The following AFF3 variants were observed in gnomAD, a reference collection of about 807,000 sequenced individuals.
The protein encoded by AFF3 is ALF transcription elongation factor 3.
Under a neutral mutation model 129.7 loss-of-function variants are expected in AFF3, and 32 were observed. The ratio of observed to expected loss-of-function variants is 0.25; its 90% CI spans 0.19 to 0.33. The LOEUF is 0.33. AFF3 is among the 10% of genes least tolerant of loss of function. The probability of loss-of-function intolerance (pLI) is 1.00; values close to 1 mark genes in which losing one functional copy is unlikely to be tolerated. For missense variants in AFF3, 1,373 were observed against 1,592.0 expected (o/e 0.86, Z 2.34); for synonymous variants, 644 against 635.4 (o/e 1.01, Z -0.20).
intron 7 of AFF3, among the ~76,000 whole-genome samples, chr2:99,950,298 G>A (rs1188093107): frequency 2.6e-5 from 4 of 152,130 alleles, no homozygotes; most frequent in Non-Finnish European, 5.9e-5. Flanking sequence ...CTGTGTGGTT[G>A]GGATTCTGGT....
At chr2:99,670,600 T>A (rs1027391531) in intron 12 of AFF3, among the ~76,000 whole-genome samples, 2 of 152,052 alleles carry the variant, frequency 1.3e-5, no homozygotes, top group African/African-American at 4.8e-5. Context: ...CATAGTTTGG[T>A]CTTGAAGAGA....
intron 13 of AFF3, among the ~76,000 whole-genome samples, chr2:99,649,024 C>A (rs1204310274): frequency 6.6e-6 from 1 of 151,988 alleles, no homozygotes; most frequent in African/African-American, 2.4e-5. Flanking sequence ...ACTTTACATA[C>A]CCACATTCAA....
intron 7 of AFF3, among the ~76,000 whole-genome samples, chr2:99,970,080 G>A (rs1301022035): frequency 6.6e-6 from 1 of 152,132 alleles, no homozygotes; most frequent in Non-Finnish European, 1.5e-5. Flanking sequence ...TCTGTGAGAG[G>A]TAAAGACATT....
At chr2:99,648,119 T>C (rs1684856516) in intron 13 of AFF3, among the ~76,000 whole-genome samples, 1 of 152,202 alleles carries the variant, frequency 6.6e-6, no homozygotes, top group Non-Finnish European at 1.5e-5. Flanking sequence ...GACCTTTTTT[T>C]TCCTGTATTT....
intron 2 of AFF3, among the ~76,000 whole-genome samples, chr2:100,112,821 C>T (rs58051463): frequency 0.23 from 34,638 of 151,986 alleles, 4,731 homozygotes; most frequent in African/African-American, 0.38. Flanking sequence ...TGCCCTGCTC[C>T]ACCACTATCT....
rs1251043997 is a variant in AFF3 at position 99,986,157 on chromosome 2, T to C, written c.873+20475A>G. Among the ~76,000 whole-genome samples the C allele has an allele frequency of 2.0e-5, 3 of 150,572 alleles. No homozygotes were observed. In the East Asian group the frequency reaches 5.8e-4, roughly 29 times the overall value. Reference sequence around the variant, plus strand: ...CGGAGCTTGCCGTGAGCTGGGGTCATGACACTGCACTCCAGCCTGGGCGAC... The same window carrying C: ...CGGAGCTTGCCGTGAGCTGGGGTCACGACACTGCACTCCAGCCTGGGCGAC... On this transcript the variant is annotated intron_variant, in intron 7 of 24. Transcript: ENST00000672756.
At chr2:99,888,203 A>G (rs960699328) in intron 7 of AFF3, among the ~76,000 whole-genome samples, 10 of 152,232 alleles carry the variant, frequency 6.6e-5, no homozygotes, top group Admixed American at 5.2e-4. Flanking sequence ...AAACATTGTA[A>G]AACTTCACTG....
At chr2:99,785,704 T>A (rs940860394) in intron 8 of AFF3, among the ~76,000 whole-genome samples, 2 of 152,132 alleles carry the variant, frequency 1.3e-5, no homozygotes, top group African/African-American at 4.8e-5. Flanking sequence ...TCACATACAC[T>A]CAAGAAATTC....
At chr2:99,769,213 C>G (rs1211415140) in intron 8 of AFF3, among the ~76,000 whole-genome samples, 1 of 152,120 alleles carries the variant, frequency 6.6e-6, no homozygotes, top group African/African-American at 2.4e-5. Context: ...GCCGATCATA[C>G]ATTTTCAAAC....
chr2:100,010,020 C>T (rs1173721926), intron 4 of AFF3, among the ~76,000 whole-genome samples: 3 of 152,240 alleles, frequency 2.0e-5, no homozygotes, highest in East Asian at 1.9e-4. Context: ...CACTCACCTG[C>T]GAAATGTGGT....
intron 13 of AFF3, among the ~76,000 whole-genome samples, chr2:99,624,510 T>C (rs114396981): frequency 0.022 from 3,388 of 152,206 alleles, 134 homozygotes; most frequent in African/African-American, 0.076. Flanking sequence ...AGTAATGGTG[T>C]TTAAAAACAG....
intron 7 of AFF3, among the ~76,000 whole-genome samples, chr2:99,863,725 C>T (rs1691171007): frequency 6.6e-6 from 1 of 152,132 alleles, no homozygotes; most frequent in South Asian, 2.1e-4. Flanking sequence ...GGCAAGAATG[C>T]ATGAGTCAGC....
intron 8 of AFF3, among the ~76,000 whole-genome samples, chr2:99,827,607 A>T (rs1459888369): frequency 6.6e-6 from 1 of 151,890 alleles, no homozygotes; most frequent in African/African-American, 2.4e-5. Flanking sequence ...TCTAGTTAGG[A>T]AGGAAGAAAG....
In AFF3 at chr2:99,755,294, GT is replaced by G. The variant is rs777762565; in HGVS notation, c.922-2994del. On this transcript the variant is annotated intron_variant, in intron 8 of 24. Transcript: ENST00000672756. Reference sequence around the variant, plus strand: ...TATTTTTTTTTTTTTTTGAGCTGGAGTTTTGCTCTTGTTGCCTAGGCTGGAG... The same window carrying G: ...TATTTTTTTTTTTTTTTGAGCTGGAGTTTGCTCTTGTTGCCTAGGCTGGAG... Among the ~76,000 whole-genome samples, 3 of 149,534 alleles carry G rather than the reference GT, an allele frequency of 2.0e-5. No individual in the cohort carries two copies. The South Asian group carries it at 6.4e-4, about 32-fold the overall frequency.
rs180942760 is a variant in AFF3, at chr2:100,084,311, G to A, written c.53+20091C>T. On this transcript the variant is annotated intron_variant, in intron 4 of 24. Transcript: ENST00000672756. ...CACTTAACTGTACTAAACACTTTAC[G>A]CATATTAGCTCATTTAATCCTCACA... Among the ~76,000 whole-genome samples, 21 of 152,266 alleles carry A rather than the reference G, an allele frequency of 1.4e-4. No homozygotes were observed. The East Asian group carries it at 1.5e-3, about 11-fold the overall frequency.
At chr2:99,652,495 A>G (rs1366441976) in intron 12 of AFF3, among the ~76,000 whole-genome samples, 2 of 152,104 alleles carry the variant, frequency 1.3e-5, no homozygotes, top group Non-Finnish European at 2.9e-5. Flanking sequence ...ATGAAAGGAG[A>G]GCAGAAAGAA....
chr2:99,837,300 G>T (rs1347064819), intron 8 of AFF3, among the ~76,000 whole-genome samples, 177 bp downstream of exon 8: 4 of 152,156 alleles, frequency 2.6e-5, no homozygotes, highest in Non-Finnish European at 4.4e-5. Flanking sequence ...CCCAGAGGGG[G>T]TGCAGCTCCT....
At chr2:99,883,415 C>T (rs1190376031) in intron 7 of AFF3, among the ~76,000 whole-genome samples, 2 of 152,164 alleles carry the variant, frequency 1.3e-5, no homozygotes, top group African/African-American at 2.4e-5. Context: ...ACTGACAGCA[C>T]CATTAAAAAC....
At chr2:99,827,599 T>C (rs372173247) in intron 8 of AFF3, among the ~76,000 whole-genome samples, 1 of 151,732 alleles carries the variant, frequency 6.6e-6, no homozygotes, top group East Asian at 1.9e-4. Flanking sequence ...CTGGAGAGTC[T>C]AGTTAGGAAG....
Sources: allele counts gnomAD v4.1 joint callset (sites outside exome capture counted in the v4.1 genomes callset), GRCh38; gene constraint gnomAD v4.1.1; transcripts MANE v1.5; gene names NCBI Gene and HGNC (gene_info 2026-07-23, HGNC 2026-07-21).